DYNAP: variants seen among roughly 807,000 people sequenced by gnomAD.
The protein encoded by DYNAP is dynactin associated protein.
Under a neutral mutation model 8.5 loss-of-function variants are expected in DYNAP, and 7 were observed. The ratio of observed to expected loss-of-function variants is 0.82; its 90% CI spans 0.47 to 1.54. The LOEUF (loss-of-function observed/expected upper bound fraction) is 1.54. DYNAP is among the 40% of genes most tolerant of loss of function. The pLI is 0.01. For synonymous variants in DYNAP, 77 were observed against 77.9 expected (o/e 0.99, Z 0.06); for missense variants, 256 against 224.3 (o/e 1.14, Z -0.90).
chr18:54,598,418 C>T lies in DYNAP; in HGVS notation c.*273C>T. On this transcript the variant is annotated 3_prime_UTR_variant, in exon 3 of 3. Transcript: ENST00000648945. ...TGAATCTGCAACCACTTCCACTTAA[C>T]CTATAACTACTGTAACTTCTACTTA... The T allele has an allele frequency of 5.1e-6, 2 of 391,308 alleles. No individual in the cohort carries two copies. 24.2% of individuals were successfully genotyped at this position (391,308 alleles called of 1,614,324 possible). A position where few individuals can be genotyped will look rare whatever the true frequency, so the allele number is the denominator to read the frequency against.
intron 2 of DYNAP, among the ~76,000 whole-genome samples, chr18:54,595,706 A>G (rs1039186157): frequency 1.3e-5 from 2 of 152,090 alleles, no homozygotes; most frequent in Non-Finnish European, 2.9e-5. Context: ...GGCTGAATGA[A>G]CTTTACCTCA....
chr18:54,598,828 C>A lies in DYNAP; in HGVS notation c.*683C>A, dbSNP rs2144895469. On this transcript the variant is annotated 3_prime_UTR_variant, in exon 3 of 3. Coordinates refer to ENST00000648945, the MANE Select transcript of DYNAP (RefSeq NM_173629.3). ...GATAATCAACTAAGAGCCAGGCACC[C>A]TTTTAGGTCTAATAAGAAACACTTT... 6.6e-6 allele frequency: 1 copy of A among 152,262 alleles called. No homozygotes were observed. Among genetic ancestry groups the A allele is most frequent in the South Asian group, 2.1e-4 (1 of 4,826 alleles). 9.4% of individuals were successfully genotyped at this position (152,262 alleles called of 1,614,324 possible).
At chr18:54,580,758 C>T in the DYNAP span, among the ~76,000 whole-genome samples, 2 of 152,166 alleles carry the variant, frequency 1.3e-5, no homozygotes, top group Non-Finnish European at 2.9e-5. Context: ...GAAGCAATGG[C>T]CAACAATAAC....
rs1192458814 is a variant in DYNAP at position 54,598,159 on chromosome 18, A to T, written c.*14A>T. On this transcript the variant is annotated 3_prime_UTR_variant, in exon 3 of 3. Coordinates refer to ENST00000648945, the MANE Select transcript of DYNAP (RefSeq NM_173629.3). ...GATCATTTATAATTTGAACAGCCAT[A>T]GCCATCACTTCAACTGAAACTTCAA... 6.3e-7 allele frequency: 1 copy of T among 1,589,368 alleles called. No individual in the cohort carries two copies. Among genetic ancestry groups the T allele is most frequent in the Admixed American group, 1.7e-5 (1 of 58,678 alleles).
chr18:54,582,579 T>C, the DYNAP span, among the ~76,000 whole-genome samples: 1 of 152,332 alleles, frequency 6.6e-6, no homozygotes, highest in Non-Finnish European at 1.5e-5. Context: ...CCAATCAGTC[T>C]ATTAATCATC....
At chr18:54,581,605 A>G in the DYNAP span, among the ~76,000 whole-genome samples, 2 of 152,220 alleles carry the variant, frequency 1.3e-5, no homozygotes, top group Non-Finnish European at 2.9e-5. Context: ...AAGTTGATAC[A>G]AACTATACAA....
upstream of DYNAP, among the ~76,000 whole-genome samples, chr18:54,590,934 G>C (rs1272260831): frequency 6.6e-6 from 1 of 152,130 alleles, no homozygotes; most frequent in East Asian, 1.9e-4. Flanking sequence ...TTCTATCTCA[G>C]AACGTTTTTC....
the DYNAP span, among the ~76,000 whole-genome samples, chr18:54,578,953 C>T: frequency 6.6e-6 from 1 of 152,070 alleles, no homozygotes; most frequent in South Asian, 2.1e-4. Flanking sequence ...GTGCCCACCA[C>T]CATGCCCGGC....
chr18:54,596,154 C>T (rs975286365), intron 2 of DYNAP, among the ~76,000 whole-genome samples: 2 of 152,042 alleles, frequency 1.3e-5, no homozygotes, highest in East Asian at 1.9e-4. Flanking sequence ...CTCACTGCAG[C>T]TTCAACCTTC....
upstream of DYNAP, chr18:54,591,217 A>G (rs746873933): frequency 6.2e-7 from 1 of 1,611,878 alleles, no homozygotes; most frequent in South Asian, 1.1e-5. Context: ...GGTTGCAGAT[A>G]TAAAGGGCAA....
the DYNAP span, among the ~76,000 whole-genome samples, chr18:54,582,671 G>C: frequency 6.6e-5 from 10 of 152,278 alleles, no homozygotes; most frequent in Admixed American, 2.0e-4. Context: ...CTTCAAAAAT[G>C]CTGTTGTCCC....
At chr18:54,584,849 A>T (rs1910822499), upstream of DYNAP, among the ~76,000 whole-genome samples, 1 of 152,172 alleles carries the variant, frequency 6.6e-6, no homozygotes, top group African/African-American at 2.4e-5. Context: ...TGCATTTTTT[A>T]AAAATGGTGT....
At chr18:54,582,756 C>G in the DYNAP span, among the ~76,000 whole-genome samples, 2 of 152,222 alleles carry the variant, frequency 1.3e-5, no homozygotes, top group African/African-American at 4.8e-5. Flanking sequence ...CACTGCTTGT[C>G]TCTCTTTTGA....
At chr18:54,596,351 G>C (rs1290638321) in intron 2 of DYNAP, among the ~76,000 whole-genome samples, 2 of 152,092 alleles carry the variant, frequency 1.3e-5, no homozygotes, top group African/African-American at 4.8e-5. Context: ...AGGATTACAA[G>C]CATGAACCTC....
chr18:54,595,066 A>T lies in DYNAP; in HGVS notation c.185A>T (p.His62Leu). The change falls in exon 2 of 3, where the codon CAT (histidine) becomes CTT (leucine). Residue 62 changes from histidine (H) to leucine (L), a missense_variant. By Grantham distance (99) the His-to-Leu change is moderately conservative (BLOSUM62 -3). Coordinates refer to ENST00000648945, the MANE Select transcript of DYNAP (RefSeq NM_173629.3). ...TGCGTGAACCCAGGAATCCTTGCAC[A>T]TTCAAGATGTCTACAGTCAGAATCC... ...GVCVNPGILA[H>L]SRCLQSESCN... 6.2e-7 allele frequency: 1 copy of T among 1,612,416 alleles called. No homozygotes were observed. Among genetic ancestry groups the T allele is most frequent in the Non-Finnish European group, 8.5e-7 (1 of 1,178,972 alleles).
chr18:54,597,014 G>A (rs1911321256), intron 2 of DYNAP, among the ~76,000 whole-genome samples: 1 of 151,956 alleles, frequency 6.6e-6, no homozygotes, highest in Non-Finnish European at 1.5e-5. Flanking sequence ...CTGTCTGAAA[G>A]GTATGAGTTT....
chr18:54,597,919 TG>T lies in DYNAP; in HGVS notation c.330del (p.Asn111IlefsTer22). The T allele has an allele frequency of 6.2e-7, 1 of 1,613,636 alleles. No individual in the cohort carries two copies. Among genetic ancestry groups the T allele is most frequent in the South Asian group, 1.1e-5 (1 of 91,066 alleles). On this transcript the variant is annotated frameshift_variant, in exon 3 of 3. Coordinates refer to ENST00000648945, the MANE Select transcript of DYNAP (RefSeq NM_173629.3). LOFTEE classifies it low-confidence loss of function (END_TRUNC). ...TAIGVLIICL[V>X]NNKGSANSSI... ...ATTGGAGTACTTATAATATGCTTGG[TG>T]AATAACAAAGGATCGGCCAATTCCT...
chr18:54,576,331 A>C, the DYNAP span, among the ~76,000 whole-genome samples: 1 of 152,144 alleles, frequency 6.6e-6, no homozygotes, highest in African/African-American at 2.4e-5. Context: ...CAGCTTACCA[A>C]AGCAATTGTA....
intron 1 of DYNAP, among the ~76,000 whole-genome samples, chr18:54,593,175 C>G (rs965421264): frequency 6.6e-6 from 1 of 151,952 alleles, no homozygotes; most frequent in Admixed American, 6.6e-5. Flanking sequence ...CCAGGAGTAT[C>G]CCATCTTAAC....
Sources: gnomAD v4.1 joint callset for allele counts (sites outside exome capture counted in the v4.1 genomes callset) on GRCh38, gnomAD v4.1.1 for gene constraint, MANE v1.5 for transcripts, NCBI Gene and HGNC (gene_info 2026-07-23, HGNC 2026-07-21) for gene names.